Variants in PVR observed in about 807,000 individuals in gnomAD.
PVR encodes PVR cell adhesion molecule.
Under a neutral mutation model 43.3 loss-of-function variants are expected in PVR, and 39 were observed. That is an observed-to-expected ratio of 0.90 (90% confidence interval 0.70 to 1.18). PVR has a LOEUF of 1.18. Among genes scored for constraint, PVR ranks in the 50% most tolerant of loss-of-function variants. The pLI is 0.00. For synonymous variants in PVR, 224 were observed against 233.2 expected (o/e 0.96, Z 0.36); for missense variants, 480 against 549.7 (o/e 0.87, Z 1.27).
chr19:44,647,548 GGATA>G lies in PVR; in HGVS notation c.406_409del (p.Asp136SerfsTer83). 3 of 1,612,792 alleles carry G rather than the reference GGATA, an allele frequency of 1.9e-6. No individual in the cohort carries two copies. Among genetic ancestry groups the G allele is most frequent in the Non-Finnish European group, 1.7e-6 (2 of 1,179,248 alleles). On this transcript the variant is annotated frameshift_variant, in exon 2 of 8. Transcript: ENST00000425690. LOFTEE classifies it high-confidence loss of function. Reference sequence around the variant, plus strand: ...CGTTCCCGCAGGGCAGCAGGAGCGTGGATATCTGGCTCCGAGTGCTTGGTGAGCA... The same window carrying G: ...CGTTCCCGCAGGGCAGCAGGAGCGTGTCTGGCTCCGAGTGCTTGGTGAGCA...
Position 44,661,741 on chromosome 19 carries a change from A to G in PVR, c.1184A>G (p.His395Arg), listed in dbSNP as rs927064366. ...TEHASASANG[H>R]VSYSAVSREN... Reference sequence around the variant, plus strand: ...TAAAATTTGAAAACCCTCTTCTAGCATGTCTCCTATTCAGCTGTGAGCAGA... The same window carrying G: ...TAAAATTTGAAAACCCTCTTCTAGCGTGTCTCCTATTCAGCTGTGAGCAGA... The change falls in exon 8 of 8, where the codon CAT becomes CGT. Residue 395 changes from histidine to arginine, a missense_variant and splice_region_variant. By Grantham distance (29) the His-to-Arg change is conservative (BLOSUM62 0). Transcript: ENST00000425690. 1 of 1,613,980 alleles carries G rather than the reference A, an allele frequency of 6.2e-7. No individual in the cohort carries two copies. The highest frequency in any genetic ancestry group is 1.1e-5 in the South Asian group (1 of 91,082).
intron 1 of PVR, 69 bp downstream of exon 1, chr19:44,644,244 G>A (rs1973011695): frequency 1.6e-6 from 2 of 1,253,010 alleles, no homozygotes; most frequent in Admixed American, 3.5e-5. Flanking sequence ...CCGGGTACTC[G>A]CCCCCTTGGG....
chr19:44,644,273 C>G, intron 1 of PVR, 98 bp downstream of exon 1: 1 of 886,722 alleles, frequency 1.1e-6, no homozygotes. Flanking sequence ...GATGACGGCC[C>G]CGCCCGGCGC....
At chr19:44,660,874 A>C (rs181281870) in intron 6 of PVR, among the ~76,000 whole-genome samples, 1 of 152,316 alleles carries the variant, frequency 6.6e-6, no homozygotes, top group East Asian at 1.9e-4. Flanking sequence ...CCCAGCACCT[A>C]GAATGTACCT....
intron 1 of PVR, among the ~76,000 whole-genome samples, chr19:44,646,835 G>A (rs1973129196): frequency 2.0e-5 from 3 of 152,152 alleles, no homozygotes; most frequent in African/African-American, 4.8e-5. Context: ...GCACAATATC[G>A]TGAAATGTAC....
Position 44,663,686 on chromosome 19 carries a change from C to T in PVR, c.*1875C>T, listed in dbSNP as rs1973641411. On this transcript the variant is annotated 3_prime_UTR_variant, in exon 8 of 8. Transcript: ENST00000425690. Reference sequence around the variant, plus strand: ...GAACCAGAGGCATGGAAGCAAGACGCTAAATGAAGAGGGCCATAAGGGCTG... The same window carrying T: ...GAACCAGAGGCATGGAAGCAAGACGTTAAATGAAGAGGGCCATAAGGGCTG... 1 of 151,760 alleles carries T rather than the reference C, an allele frequency of 6.6e-6. No homozygotes were observed. The highest frequency in any genetic ancestry group is 1.5e-5 in the Non-Finnish European group (1 of 67,986). 9.4% of individuals were successfully genotyped at this position (151,760 alleles called of 1,614,324 possible).
intron 4 of PVR, 110 bp from the exon 5 acceptor site, chr19:44,657,652 C>A: frequency 8.9e-7 from 1 of 1,129,648 alleles, no homozygotes; most frequent in East Asian, 2.5e-5. Flanking sequence ...AGTTGCTCTC[C>A]GCTTATGCTA....
chr19:44,644,933 G>T (rs181878326), intron 1 of PVR, among the ~76,000 whole-genome samples: 1 of 133,400 alleles, frequency 7.5e-6, no homozygotes, highest in African/African-American at 2.9e-5. Flanking sequence ...GGCCAGGCTG[G>T]TCTCAAACTC....
chr19:44,658,218 T>G (rs1443453646), intron 5 of PVR, among the ~76,000 whole-genome samples: 2 of 152,130 alleles, frequency 1.3e-5, no homozygotes, highest in Non-Finnish European at 2.9e-5. Context: ...CACAAAGTAG[T>G]CTAAGCAAAA....
chr19:44,647,088 CCACA>C, intron 1 of PVR, 131 bp from the exon 2 acceptor site: 1 of 453,748 alleles, frequency 2.2e-6, no homozygotes, highest in Non-Finnish European at 3.8e-6. Flanking sequence ...CCCCCTCCCC[CCACA>C]CCCCACGGTC....
Position 44,663,100 on chromosome 19 carries a change from T to C in PVR, c.*1289T>C, listed in dbSNP as rs1398281299. 1 of 152,332 alleles carries C rather than the reference T, an allele frequency of 6.6e-6. No individual in the cohort carries two copies. Among genetic ancestry groups the C allele is most frequent in the Non-Finnish European group, 1.5e-5 (1 of 68,226 alleles). The allele number at this position is 152,332 out of a possible 1,614,324, so 9.4% of individuals were successfully genotyped here. ...AATTTCCAACACAAGGGGGAAGGGA[T>C]GCAGGGGGAGGCAGCGCTGCAGTTG... is the stretch of plus-strand genomic sequence containing the variant. On this transcript the variant is annotated 3_prime_UTR_variant, in exon 8 of 8. Transcript: ENST00000425690.
At position 44,650,115 on chromosome 19, in the gene PVR, C is replaced by T; in HGVS notation, c.724+10C>T. ...AACCTCACCGTGTACTGTGAGTGTG[C>T]CCAAGTCAGCGATGGCAAGAACCCC... is the stretch of plus-strand genomic sequence containing the variant. On this transcript the variant is annotated intron_variant, in intron 3 of 7. Coordinates refer to ENST00000425690, the MANE Select transcript of PVR (RefSeq NM_006505.5). The T allele has an allele frequency of 2.6e-6, 4 of 1,511,550 alleles. No individual in the cohort carries two copies. The South Asian group carries it at 4.0e-5, about 15-fold the overall frequency. 93.6% of individuals were successfully genotyped at this position (1,511,550 alleles called of 1,614,324 possible).
chr19:44,647,626 C>T (rs1178781870), intron 2 of PVR, 56 bp downstream of exon 2: 4 of 1,462,516 alleles, frequency 2.7e-6, no homozygotes, highest in Non-Finnish European at 3.7e-6. Flanking sequence ...GTGGGAGGAT[C>T]AGGGAAGTTG....
intron 1 of PVR, among the ~76,000 whole-genome samples, chr19:44,644,794 C>T (rs1973031968): frequency 6.7e-6 from 1 of 148,690 alleles, no homozygotes; most frequent in Non-Finnish European, 1.5e-5. Context: ...CGGCTCACTG[C>T]AGCCTCCTCC....
At chr19:44,653,643 G>A (rs1450074916) in intron 3 of PVR, 6 of 413,800 alleles carry the variant, frequency 1.4e-5, no homozygotes, top group East Asian at 3.8e-5. Context: ...CCCAAGACAT[G>A]CCTGGTCCAG....
intron 3 of PVR, among the ~76,000 whole-genome samples, chr19:44,653,076 C>T (rs967507033): frequency 1.7e-4 from 26 of 152,244 alleles, no homozygotes; most frequent in African/African-American, 5.8e-4. Context: ...CAAATACTGT[C>T]TACACACATA....
intron 5 of PVR, among the ~76,000 whole-genome samples, chr19:44,658,231 A>C (rs978141255): frequency 1.3e-5 from 2 of 152,224 alleles, no homozygotes; most frequent in Non-Finnish European, 2.9e-5. Flanking sequence ...AAGCAAAAAA[A>C]ACCAAACAAA....
Position 44,646,220 on chromosome 19 carries a change from G to A in PVR, c.80-1003G>A, listed in dbSNP as rs186790448. On this transcript the variant is annotated intron_variant, in intron 1 of 7. Coordinates refer to ENST00000425690, the MANE Select transcript of PVR (RefSeq NM_006505.5). ...AAAGAATCAGAGAGGTTAAGTAACCGGCCTGAAGCTCCACAGCAGAAAACT... is the reference window on the plus strand; with the variant it reads ...AAAGAATCAGAGAGGTTAAGTAACCAGCCTGAAGCTCCACAGCAGAAAACT... 2.0e-3 allele frequency among the ~76,000 whole-genome samples: 298 copies of A among 152,164 alleles called. 2 individuals are homozygous for A. Among genetic ancestry groups the A allele is most frequent in the African/African-American group, 7.0e-3 (290 of 41,522 alleles).
At chr19:44,647,141 CAGG>C (rs1973142995) in intron 1 of PVR, 79 bp from the exon 2 acceptor site, 1 of 1,107,400 alleles carries the variant, frequency 9.0e-7, no homozygotes, top group African/African-American at 1.6e-5. Context: ...AGTGCACGCC[CAGG>C]TGCCCGGGCT....
Sources: gnomAD v4.1 joint callset for allele counts (sites outside exome capture counted in the v4.1 genomes callset) on GRCh38, gnomAD v4.1.1 for gene constraint, MANE v1.5 for transcripts, NCBI Gene and HGNC (gene_info 2026-07-23, HGNC 2026-07-21) for gene names.